Variants in DDX20 observed in about 807,000 individuals in gnomAD.
DDX20 encodes the protein DEAD-box helicase 20.
Under a neutral mutation model 76.4 loss-of-function variants are expected in DDX20, and 61 were observed. The observed-to-expected ratio is 0.80, with a 90% CI of 0.65 to 0.99. The LOEUF is 0.99. DDX20 is among the 50% of genes least tolerant of loss of function. The pLI is 0.00. For synonymous variants in DDX20, 357 were observed against 357.4 expected, an observed-to-expected ratio of 1.00 and a Z score of 0.01; for missense variants, 976 against 996.8, an observed-to-expected ratio of 0.98 and a Z score of 0.28.
chr1:111,760,567 G>A lies in DDX20; in HGVS notation c.659G>A (p.Gly220Asp), dbSNP rs775760200. 6.2e-7 allele frequency: 1 copy of A among 1,612,932 alleles called. No individual in the cohort carries two copies. The highest frequency in any genetic ancestry group is 1.1e-5 in the South Asian group (1 of 90,660). The change falls in exon 4 of 11, where the codon GGC becomes GAC. Residue 220 changes from glycine (G) to aspartate (D), a missense_variant. By Grantham distance (94) the Gly-to-Asp change is moderately conservative. This residue lies in a region of DDX20 where 343 missense variants were observed against 286.4 expected (regional missense o/e 1.20). Coordinates refer to ENST00000369702, the MANE Select transcript of DDX20 (RefSeq NM_007204.5). ...LDEADKLLEE[G>D]SFQEQINWIY... ...GAAGCAGATAAGCTTTTAGAAGAAG[G>A]CAGCTTCCAGGAGCAAATAAAGTAA...
In DDX20 at chr1:111,756,012, C is replaced by T; in HGVS notation, c.88C>T (p.Pro30Ser). 1 of 1,609,106 alleles carries T rather than the reference C, an allele frequency of 6.2e-7. No homozygotes were observed. Among genetic ancestry groups the T allele is most frequent in the Non-Finnish European group, 8.5e-7 (1 of 1,177,814 alleles). Residue 30 changes from proline (P) to serine (S), a missense_variant, in exon 1 of 11, where the codon CCA (proline) becomes TCA (serine). Physicochemically the swap from Pro to Ser is moderately conservative, Grantham distance 74. Around this residue, in one of 3 missense-constraint regions of DDX20, gnomAD observed 343 missense variants for 286.4 expected, o/e 1.20. Coordinates refer to ENST00000369702, the MANE Select transcript of DDX20 (RefSeq NM_007204.5). ...AEHVAVQVPA[P>S]EPTPGPVRIL... is the part of the protein sequence containing the mutation. ...GCATGTGGCCGTGCAGGTCCCGGCC[C>T]CAGAGCCAACACCCGGGCCTGTGAG...
At chr1:111,757,571 TG>T (rs1304419024) in intron 2 of DDX20, among the ~76,000 whole-genome samples, 1 of 152,206 alleles carries the variant, frequency 6.6e-6, no homozygotes, top group African/African-American at 2.4e-5. Flanking sequence ...TAGCCTTACT[TG>T]GTAGTTTAGT....
chr1:111,766,806 A>T lies in DDX20; in HGVS notation c.2382A>T (p.Ser794=), dbSNP rs1323805870. The part of the protein sequence containing the change: ...WQEYYAAASH[S]YYWNAQRHPS... ...AATATTATGCTGCCGCTTCTCATTC[A>T]TATTATTGGAATGCTCAGAGACATC... Residue 794 remains serine (S), a synonymous_variant, in exon 11 of 11, where the codon TCA becomes TCT. Transcript: ENST00000369702. The T allele has an allele frequency of 1.9e-6, 3 of 1,614,122 alleles. No homozygotes were observed. The East Asian group carries it at 6.7e-5, about 36-fold the overall frequency.
At chr1:111,759,356 T>G in intron 2 of DDX20, 44 bp from the exon 3 acceptor site, 3 of 1,471,176 alleles carry the variant, frequency 2.0e-6, no homozygotes, top group Non-Finnish European at 2.8e-6. Context: ...CCCCTATGTA[T>G]TTATTCCTCT....
chr1:111,761,398 A>G (rs1663672747), intron 7 of DDX20, 114 bp downstream of exon 7: 1 of 812,730 alleles, frequency 1.2e-6, no homozygotes. Context: ...ATTATCTTGT[A>G]TCTTTTAGAG....
intron 7 of DDX20, 181 bp from the exon 8 acceptor site, chr1:111,762,074 C>A: frequency 2.0e-6 from 1 of 511,870 alleles, no homozygotes; most frequent in Non-Finnish European, 3.4e-6. Flanking sequence ...TTGCCTAAAC[C>A]ATAGTTTAAA....
rs183914989 is a variant in DDX20 at position 111,760,137 on chromosome 1, G to A, written c.566-337G>A. On this transcript the variant is annotated intron_variant, in intron 3 of 10. Transcript: ENST00000369702. Reference sequence around the variant, plus strand: ...AGGAGAAATGCAGTGACTTTCAGGAGGCCCTTCTAAGCCATGGATTGGGAT... The same window carrying A: ...AGGAGAAATGCAGTGACTTTCAGGAAGCCCTTCTAAGCCATGGATTGGGAT... Among the ~76,000 whole-genome samples the A allele has an allele frequency of 3.0e-3, 458 of 152,258 alleles. 1 individual carries two copies. Among genetic ancestry groups the A allele is most frequent in the Non-Finnish European group, 5.5e-3 (377 of 68,016 alleles).
At chr1:111,756,990 T>C (rs932443444) in intron 2 of DDX20, among the ~76,000 whole-genome samples, 36 of 152,190 alleles carry the variant, frequency 2.4e-4, no homozygotes, top group African/African-American at 8.7e-4. Flanking sequence ...ACTAGATTAA[T>C]GTGAGACTTA....
chr1:111,756,248 G>T (rs1043147349), intron 1 of DDX20, 23 bp downstream of exon 1: 52 of 1,383,362 alleles, frequency 3.8e-5, no homozygotes, highest in Middle Eastern at 2.7e-4. Flanking sequence ...GCCCGGGATA[G>T]GTCGGGGGGT....
intron 3 of DDX20, among the ~76,000 whole-genome samples, chr1:111,759,847 G>T (rs197400): frequency 6.6e-6 from 1 of 150,520 alleles, no homozygotes; most frequent in Non-Finnish European, 1.5e-5. Flanking sequence ...GGTAGCGGGC[G>T]CCTGTAGTCC....
In DDX20 at chr1:111,759,973, CAAAAAAAAAAAA is replaced by C. The variant is rs754870294; in HGVS notation, c.565+416_565+427del. Among the ~76,000 whole-genome samples, 12 of 57,620 alleles carry C rather than the reference CAAAAAAAAAAAA, an allele frequency of 2.1e-4. 1 individual carries two copies. Among genetic ancestry groups the C allele is most frequent in the South Asian group, 6.4e-4 (1 of 1,570 alleles). The allele number at this position is 57,620 out of a possible 152,430, so 37.8% of individuals were successfully genotyped here. The stretch of plus-strand genomic sequence containing the variant: ...TGGGTGACAGAGCGAGACTCCATCT[CAAAAAAAAAAAA>C]AAAAAAAAAAGAAATGAAGAGCATT... On this transcript the variant is annotated intron_variant, in intron 3 of 10. Transcript: ENST00000369702.
chr1:111,756,268 G>GTC, intron 1 of DDX20, 43 bp downstream of exon 1: 3 of 739,106 alleles, frequency 4.1e-6, no homozygotes, highest in Non-Finnish European at 5.9e-6. Context: ...TGGGGTGGGA[G>GTC]AAGGGGGACC....
chr1:111,764,984 A>C (rs776579979), intron 10 of DDX20, among the ~76,000 whole-genome samples: 5 of 152,238 alleles, frequency 3.3e-5, no homozygotes, highest in Non-Finnish European at 5.9e-5. Flanking sequence ...TGTGGGATTT[A>C]TAGATAACAT....
chr1:111,762,524 A>G (rs920023742), intron 8 of DDX20, 153 bp from the exon 9 acceptor site: 1 of 834,846 alleles, frequency 1.2e-6, no homozygotes, highest in Non-Finnish European at 1.9e-6. Flanking sequence ...TTGTCCTTGA[A>G]ATTAGTCATT....
At chr1:111,762,503 T>C (rs1663693089) in intron 8 of DDX20, 166 bp downstream of exon 8, 1 of 814,268 alleles carries the variant, frequency 1.2e-6, no homozygotes, top group Non-Finnish European at 1.9e-6. Flanking sequence ...ATGTCTTTAA[T>C]ATGTTTATCT....
rs143443770 is a variant in DDX20 at position 111,762,703 on chromosome 1, G to T, written c.1131G>T (p.Lys377Asn). ...DLTSRGIDAEKVNLVVNLDVP... is the reference protein window; with the variant it reads ...DLTSRGIDAENVNLVVNLDVP... ...CTTCTCGTGGGATTGATGCTGAGAA[G>T]GTGAATCTGGTTGTAAATCTGGATG... The change falls in exon 9 of 11, where the codon AAG becomes AAT. Residue 377 changes from lysine (K) to asparagine (N), a missense_variant. By Grantham distance (94) the Lys-to-Asn change is moderately conservative (BLOSUM62 0). Around this residue, in one of 3 missense-constraint regions of DDX20, gnomAD observed 630 missense variants for 693.7 expected, o/e 0.91. Coordinates refer to ENST00000369702, the MANE Select transcript of DDX20 (RefSeq NM_007204.5). 1.4e-5 allele frequency: 22 copies of T among 1,613,818 alleles called. No homozygotes were observed. In the South Asian group the frequency reaches 2.4e-4, roughly 18 times the overall value.
At chr1:111,763,213 TA>T (rs1663710488) in intron 10 of DDX20, among the ~76,000 whole-genome samples, 1 of 152,036 alleles carries the variant, frequency 6.6e-6, no homozygotes, top group Non-Finnish European at 1.5e-5. Flanking sequence ...ATAGAGAGGG[TA>T]AGTAAAGGTG....
At chr1:111,756,556 A>G (rs1190386317) in intron 1 of DDX20, 90 bp from the exon 2 acceptor site, 1 of 1,113,518 alleles carries the variant, frequency 9.0e-7, no homozygotes, top group South Asian at 1.3e-5. Context: ...GGGGAATCTC[A>G]GGAGACCCTT....
At chr1:111,762,377 A>G in intron 8 of DDX20, 40 bp downstream of exon 8, 2 of 1,467,956 alleles carry the variant, frequency 1.4e-6, no homozygotes, top group East Asian at 4.5e-5. Flanking sequence ...ATCCATCTTG[A>G]CATATGTTCT....
Sources: gnomAD v4.1 joint callset for allele counts (sites outside exome capture counted in the v4.1 genomes callset) on GRCh38, gnomAD v4.1.1 for gene constraint, gnomAD v4.1.1 regional missense constraint, MANE v1.5 for transcripts, NCBI Gene and HGNC (gene_info 2026-07-23, HGNC 2026-07-21) for gene names.